The following SGCD variants were observed in gnomAD, a reference collection of about 807,000 sequenced individuals.
SGCD encodes the protein sarcoglycan delta.
A neutral mutation model predicts 36.6 loss-of-function variants in SGCD; 18 were observed. That is an observed-to-expected ratio of 0.49 (90% CI 0.34 to 0.73). The LOEUF is 0.73. SGCD is among the 30% of genes least tolerant of loss of function. The pLI, the probability that SGCD is intolerant of heterozygous loss-of-function variation, is 0.01. For missense variants in SGCD, 387 were observed against 346.7 expected, an observed-to-expected ratio of 1.12 and a Z score of -0.92; for synonymous variants, 133 against 130.6, an observed-to-expected ratio of 1.02 and a Z score of -0.12.
At chr5:155,801,502 G>A in the SGCD span, among the ~76,000 whole-genome samples, 2 of 152,078 alleles carry the variant, frequency 1.3e-5, no homozygotes, top group African/African-American at 2.4e-5. Context: ...CAGCCCTTGC[G>A]TAGAATTTGT....
chr5:156,726,502 A>C (rs2652324), intron 7 of SGCD, among the ~76,000 whole-genome samples: 1 of 152,110 alleles, frequency 6.6e-6, no homozygotes, highest in Non-Finnish European at 1.5e-5. Context: ...GCCTACCATG[A>C]AATTCACTGT....
intron 3 of SGCD, among the ~76,000 whole-genome samples, chr5:156,367,637 T>A (rs1253573146): frequency 6.6e-6 from 1 of 152,222 alleles, no homozygotes; most frequent in Admixed American, 6.5e-5. Flanking sequence ...GTTGACAATC[T>A]ACACCATTCC....
intron 3 of SGCD, among the ~76,000 whole-genome samples, chr5:156,136,138 G>A (rs1762450744): frequency 1.3e-5 from 2 of 152,038 alleles, no homozygotes; most frequent in South Asian, 4.1e-4. Context: ...TCTGGGATAG[G>A]ATTTTGCTCT....
chr5:156,133,959 ACAG>A (rs1561533624), intron 3 of SGCD, among the ~76,000 whole-genome samples: 2,517 of 139,568 alleles, frequency 0.018, 80 homozygotes, highest in African/African-American at 0.063. Context: ...ACACACACAC[ACAG>A]TTTCTCTCTG....
At chr5:156,071,636 G>A (rs1211141753) in intron 1 of SGCD, among the ~76,000 whole-genome samples, 1 of 152,172 alleles carries the variant, frequency 6.6e-6, no homozygotes, top group Non-Finnish European at 1.5e-5. Flanking sequence ...TTCTGTACAT[G>A]TCTATTAGGT....
At chr5:156,124,889 G>A (rs1433175532) in intron 3 of SGCD, among the ~76,000 whole-genome samples, 1 of 152,030 alleles carries the variant, frequency 6.6e-6, no homozygotes, top group Non-Finnish European at 1.5e-5. Flanking sequence ...CAACCATCTG[G>A]AATAGGGATT....
chr5:156,570,983 CCTA>C (rs1759695176), intron 4 of SGCD, among the ~76,000 whole-genome samples: 2 of 151,998 alleles, frequency 1.3e-5, no homozygotes, highest in African/African-American at 2.4e-5. Flanking sequence ...ATTTTCTATT[CCTA>C]CTATCTTGGT....
chr5:155,886,531 C>CGT (rs35659504), intron 1 of SGCD, among the ~76,000 whole-genome samples: 2,398 of 151,390 alleles, frequency 0.016, 58 homozygotes, highest in African/African-American at 0.054. Context: ...TGCGTGGGCG[C>CGT]GTGTGTGTGT....
the SGCD span, among the ~76,000 whole-genome samples, chr5:155,809,187 T>C: frequency 6.6e-6 from 1 of 152,170 alleles, no homozygotes; most frequent in Non-Finnish European, 1.5e-5. Flanking sequence ...GAGTTGAAGG[T>C]GCATAGTTTC....
At chr5:156,211,166 G>GA (rs536678409) in intron 3 of SGCD, among the ~76,000 whole-genome samples, 108 of 147,546 alleles carry the variant, frequency 7.3e-4, no homozygotes, top group South Asian at 1.3e-3. Flanking sequence ...AGTGCTAAAG[G>GA]AAAAAAAAAC....
chr5:156,733,452 A>G (rs1756184068), intron 7 of SGCD, among the ~76,000 whole-genome samples: 1 of 151,926 alleles, frequency 6.6e-6, no homozygotes, highest in Admixed American at 6.6e-5. Flanking sequence ...GATCAATTTT[A>G]GAGTAACTGC....
the SGCD span, among the ~76,000 whole-genome samples, chr5:155,766,804 T>C: frequency 6.6e-6 from 1 of 152,176 alleles, no homozygotes; most frequent in Admixed American, 6.5e-5. Context: ...CAAGGGAGTC[T>C]GAGTGATTGT....
intron 1 of SGCD, among the ~76,000 whole-genome samples, chr5:155,909,230 C>T (rs1756582779): frequency 6.6e-6 from 1 of 152,038 alleles, no homozygotes; most frequent in Non-Finnish European, 1.5e-5. Context: ...TTAGTTTCAG[C>T]CTTTGAATCA....
At chr5:155,799,357 T>G in the SGCD span, among the ~76,000 whole-genome samples, 1 of 152,178 alleles carries the variant, frequency 6.6e-6, no homozygotes, top group African/African-American at 2.4e-5. Context: ...CAAAATGCAT[T>G]GTTTCCTTCT....
At chr5:156,198,391 G>C (rs760233946) in intron 3 of SGCD, among the ~76,000 whole-genome samples, 1 of 152,100 alleles carries the variant, frequency 6.6e-6, no homozygotes, top group African/African-American at 2.4e-5. Flanking sequence ...CTTGGATTGA[G>C]AGACACCATG....
In SGCD at chr5:156,057,657, A is replaced by G. The variant is rs4704951; in HGVS notation, c.-281-60221A>G. Among the ~76,000 whole-genome samples, 5,022 of 146,440 alleles carry G rather than the reference A, an allele frequency of 0.034. 880 individuals are homozygous for G. In the East Asian group the frequency reaches 0.47, roughly 14 times the overall value. On this transcript the variant is annotated intron_variant, in intron 1 of 9. Transcript: ENST00000517913. ...AACTGAAAGGGACCATCATCTTGCC[A>G]TGTCAGAAAACAGAACAAATTACAA...
chr5:156,640,617 T>A (rs1762992795), intron 6 of SGCD, among the ~76,000 whole-genome samples: 1 of 152,158 alleles, frequency 6.6e-6, no homozygotes, highest in South Asian at 2.1e-4. Flanking sequence ...GGCTGTAGAT[T>A]TTATGTGCAT....
Position 155,900,609 on chromosome 5 carries a change from A to G in SGCD, c.-282+30185A>G, listed in dbSNP as rs548476191. On this transcript the variant is annotated intron_variant, in intron 1 of 9. Transcript: ENST00000517913. ...TCCACAACAGTCCCCAGAGTGTGAT[A>G]TTCCCCTTCCTGTGTCCATGTGATC... 4.4e-3 allele frequency among the ~76,000 whole-genome samples: 567 copies of G among 128,218 alleles called. 2 individuals carry two copies. The highest frequency in any genetic ancestry group is 8.1e-3 in the Middle Eastern group (2 of 248). 84.1% of individuals were successfully genotyped at this position (128,218 alleles called of 152,430 possible). A position where few individuals can be genotyped will look rare whatever the true frequency, so the allele number is the denominator to read the frequency against.
intron 1 of SGCD, among the ~76,000 whole-genome samples, chr5:155,964,567 A>G (rs1434838192): frequency 6.6e-6 from 1 of 152,066 alleles, no homozygotes; most frequent in Non-Finnish European, 1.5e-5. Context: ...TGAACTCCTG[A>G]CCTCAAGCCT....
Sources: gnomAD v4.1 joint callset for allele counts (sites outside exome capture counted in the v4.1 genomes callset) on GRCh38, gnomAD v4.1.1 for gene constraint, MANE v1.5 for transcripts, NCBI Gene and HGNC (gene_info 2026-07-23, HGNC 2026-07-21) for gene names.